The following CPA6 variants were observed in gnomAD, a reference collection of about 807,000 sequenced individuals.
CPA6 encodes carboxypeptidase A6.
In CPA6, 58 loss-of-function variants were observed where a neutral mutation model predicts 63.3. The ratio of observed to expected loss-of-function variants is 0.92; its 90% CI spans 0.74 to 1.14. The LOEUF is 1.14. Ranked by LOEUF, CPA6 falls within the 50% of genes most tolerant of loss-of-function variation. The probability of loss-of-function intolerance (pLI) is 0.00; values close to 1 mark genes in which losing one functional copy is unlikely to be tolerated. For synonymous variants in CPA6, 185 were observed against 179.0 expected (o/e 1.03, Z -0.27); for missense variants, 565 against 526.6 (o/e 1.07, Z -0.71).
At chr8:67,681,195 A>ATTTTTTTTTTTTTTT (rs1554533441) in intron 1 of CPA6, among the ~76,000 whole-genome samples, 7 of 97,136 alleles carry the variant, frequency 7.2e-5, no homozygotes, top group African/African-American at 2.4e-4. Context: ...GGTCACAAAG[A>ATTTTTTTTTTTTTTT]TTTTCTTTTT....
chr8:67,728,272 G>A lies in CPA6; in HGVS notation c.116+17742C>T, dbSNP rs1419143534. ...CTCTCCTCTATGAAGAAGAGTATAT[G>A]AACTTCTAAACCTCATTGGGGAATT... is the stretch of plus-strand genomic sequence containing the variant. On this transcript the variant is annotated intron_variant, in intron 1 of 10. Transcript: ENST00000297770. Among the ~76,000 whole-genome samples, 6 of 152,252 alleles carry A rather than the reference G, an allele frequency of 3.9e-5. No homozygotes were observed. The East Asian group carries it at 1.2e-3, about 29-fold the overall frequency.
intron 2 of CPA6, among the ~76,000 whole-genome samples, chr8:67,536,798 T>A (rs917354004): frequency 1.3e-5 from 2 of 152,140 alleles, no homozygotes; most frequent in African/African-American, 4.8e-5. Flanking sequence ...TGCTTCCAGT[T>A]TTTGCCCATT....
At chr8:67,698,116 G>A (rs1816945188) in intron 1 of CPA6, among the ~76,000 whole-genome samples, 1 of 152,086 alleles carries the variant, frequency 6.6e-6, no homozygotes, top group African/African-American at 2.4e-5. Context: ...AACTCAAAGA[G>A]CCCAAAGCAT....
chr8:67,611,326 T>G (rs922145659), intron 2 of CPA6, among the ~76,000 whole-genome samples: 1 of 152,154 alleles, frequency 6.6e-6, no homozygotes, highest in African/African-American at 2.4e-5. Flanking sequence ...TCAGGTGATC[T>G]GCCTGCCTCA....
At chr8:67,670,606 G>A (rs899292532) in intron 1 of CPA6, among the ~76,000 whole-genome samples, 1 of 152,114 alleles carries the variant, frequency 6.6e-6, no homozygotes, top group Non-Finnish European at 1.5e-5. Context: ...TGTTTTCTAG[G>A]ACCTGGGAGC....
intron 1 of CPA6, among the ~76,000 whole-genome samples, chr8:67,739,559 T>A (rs538845408): frequency 6.6e-6 from 1 of 152,316 alleles, no homozygotes; most frequent in East Asian, 1.9e-4. Flanking sequence ...ACTGATGAGC[T>A]GACATGGCCC....
intron 6 of CPA6, 139 bp from the exon 7 acceptor site, chr8:67,484,928 C>A: frequency 2.0e-6 from 1 of 505,330 alleles, no homozygotes; most frequent in Non-Finnish European, 3.5e-6. Flanking sequence ...GTTTAGTCTT[C>A]GACATTGTAA....
intron 6 of CPA6, among the ~76,000 whole-genome samples, chr8:67,495,724 G>T (rs536799914): frequency 6.6e-6 from 1 of 152,120 alleles, no homozygotes; most frequent in South Asian, 2.1e-4. Context: ...ATCTCACTCT[G>T]TCACCCAGGC....
intron 1 of CPA6, among the ~76,000 whole-genome samples, chr8:67,672,620 T>C (rs1034986808): frequency 6.6e-6 from 1 of 152,198 alleles, no homozygotes; most frequent in African/African-American, 2.4e-5. Flanking sequence ...CTCATAGAGC[T>C]CGGGCCCAAT....
At position 67,588,866 on chromosome 8, in the gene CPA6, G is replaced by A. The variant is rs142556817; in HGVS notation, c.192+35310C>T. Among the ~76,000 whole-genome samples the A allele has an allele frequency of 7.4e-3, 1,125 of 152,240 alleles. 12 individuals are homozygous for A. Among genetic ancestry groups the A allele is most frequent in the African/African-American group, 0.026 (1,072 of 41,544 alleles). On this transcript the variant is annotated intron_variant, in intron 2 of 10. Transcript: ENST00000297770. ...TTAAAGATTGATGTTGGGGCCAGGG[G>A]TGGTGGCTCATGCGTGTAATCCCAG... is the stretch of plus-strand genomic sequence containing the variant.
At chr8:67,472,150 A>G (rs1203814944) in intron 8 of CPA6, among the ~76,000 whole-genome samples, 3 of 152,104 alleles carry the variant, frequency 2.0e-5, no homozygotes, top group Non-Finnish European at 2.9e-5. Context: ...GAAAGACTGG[A>G]GGCCTCCTAA....
At chr8:67,606,991 G>T (rs750623644) in intron 2 of CPA6, among the ~76,000 whole-genome samples, 4 of 152,000 alleles carry the variant, frequency 2.6e-5, no homozygotes, top group Non-Finnish European at 5.9e-5. Flanking sequence ...AAACTATATG[G>T]GCTTCTGGTT....
chr8:67,733,040 C>CA (rs1460531890), intron 1 of CPA6, among the ~76,000 whole-genome samples: 3 of 151,354 alleles, frequency 2.0e-5, no homozygotes, highest in Non-Finnish European at 4.4e-5. Flanking sequence ...ACTAAAAATA[C>CA]AAAAAATTAG....
At chr8:67,535,448 T>G (rs1166080421) in intron 2 of CPA6, among the ~76,000 whole-genome samples, 1 of 152,256 alleles carries the variant, frequency 6.6e-6, no homozygotes, top group Non-Finnish European at 1.5e-5. Context: ...TGCATTTCTC[T>G]GATGACCAGT....
At chr8:67,481,694 T>C (rs1399097434) in intron 8 of CPA6, among the ~76,000 whole-genome samples, 1 of 152,220 alleles carries the variant, frequency 6.6e-6, no homozygotes, top group Non-Finnish European at 1.5e-5. Flanking sequence ...TATGGATGTT[T>C]ATTTGGAGGT....
intron 2 of CPA6, among the ~76,000 whole-genome samples, chr8:67,540,897 T>C (rs1056156045): frequency 1.3e-5 from 2 of 152,234 alleles, no homozygotes; most frequent in African/African-American, 4.8e-5. Flanking sequence ...ACTGCTGTGC[T>C]GGCAGTGAGA....
At chr8:67,441,204 T>A (rs1044200761) in intron 8 of CPA6, among the ~76,000 whole-genome samples, 1 of 152,220 alleles carries the variant, frequency 6.6e-6, no homozygotes, top group African/African-American at 2.4e-5. Flanking sequence ...AGTGTAATTC[T>A]ACTCTTGGCA....
Position 67,493,507 on chromosome 8 carries a change from G to C in CPA6, c.637-8718C>G, listed in dbSNP as rs1016736128. ...CCATAGCCCTCACATATTACTACTT[G>C]CTCTGCCTGGAAAATAACCTGCTTC... On this transcript the variant is annotated intron_variant, in intron 6 of 10. Coordinates refer to ENST00000297770, the MANE Select transcript of CPA6 (RefSeq NM_020361.5). Among the ~76,000 whole-genome samples, 20 of 152,032 alleles carry C rather than the reference G, an allele frequency of 1.3e-4. 2 individuals are homozygous for C. The highest frequency in any genetic ancestry group is 1.2e-3 in the Admixed American group (19 of 15,266).
chr8:67,536,678 T>C (rs1812591944), intron 2 of CPA6, among the ~76,000 whole-genome samples: 1 of 152,222 alleles, frequency 6.6e-6, no homozygotes. Context: ...CCTATTTGAA[T>C]ACCATTTATT....
Sources: gnomAD v4.1 joint callset for allele counts (sites outside exome capture counted in the v4.1 genomes callset) on GRCh38, gnomAD v4.1.1 for gene constraint, MANE v1.5 for transcripts, NCBI Gene and HGNC (gene_info 2026-07-23, HGNC 2026-07-21) for gene names.